Variants in MINDY4 observed in about 807,000 individuals in gnomAD.
MINDY4 encodes the protein MINDY lysine 48 deubiquitinase 4.
Under a neutral mutation model 87.0 loss-of-function variants are expected in MINDY4, and 68 were observed. The ratio of observed to expected loss-of-function variants is 0.78; its 90% CI spans 0.64 to 0.96. The LOEUF is 0.96. Among genes scored for constraint, MINDY4 ranks in the 40% least tolerant of loss-of-function variants. The pLI is 0.00. For synonymous variants in MINDY4, 379 were observed against 363.2 expected, an observed-to-expected ratio of 1.04 and a Z score of -0.50; for missense variants, 919 against 928.2, an observed-to-expected ratio of 0.99 and a Z score of 0.13.
chr7:30,875,455 T>G (rs373214422), intron 14 of MINDY4, 40 bp from the exon 15 acceptor site: 335 of 1,610,698 alleles, frequency 2.1e-4, no homozygotes, highest in Non-Finnish European at 2.7e-4. Flanking sequence ...CAGTAACTGA[T>G]TCAGACTTGA....
intron 7 of MINDY4, among the ~76,000 whole-genome samples, chr7:30,838,354 G>A (rs1241302044): frequency 6.6e-6 from 1 of 152,136 alleles, no homozygotes; most frequent in Non-Finnish European, 1.5e-5. Context: ...TTCACTGGGG[G>A]GTTGGGATGG....
intron 15 of MINDY4, 25 bp downstream of exon 15, chr7:30,875,681 C>T (rs745942487): frequency 6.3e-7 from 1 of 1,583,986 alleles, no homozygotes; most frequent in Admixed American, 1.7e-5. Context: ...ACGTTCACCA[C>T]AAGTAGGGGA....
At chr7:30,870,187 C>T (rs924194488) in intron 13 of MINDY4, among the ~76,000 whole-genome samples, 2 of 152,184 alleles carry the variant, frequency 1.3e-5, no homozygotes, top group African/African-American at 2.4e-5. Context: ...TGTCCCCCTG[C>T]TCCCAGCTGA....
intron 6 of MINDY4, among the ~76,000 whole-genome samples, chr7:30,830,998 C>T (rs1408575324): frequency 6.6e-6 from 1 of 152,116 alleles, no homozygotes; most frequent in Non-Finnish European, 1.5e-5. Flanking sequence ...CAGCAAGTCA[C>T]TGGGCAGAGA....
intron 15 of MINDY4, among the ~76,000 whole-genome samples, chr7:30,877,445 G>GC (rs996928019): frequency 6.6e-6 from 1 of 152,176 alleles, no homozygotes; most frequent in Non-Finnish European, 1.5e-5. Context: ...TCTTGGATCC[G>GC]CATAGACCCT....
chr7:30,821,283 C>T (rs1282348829), intron 5 of MINDY4, among the ~76,000 whole-genome samples: 1 of 152,124 alleles, frequency 6.6e-6, no homozygotes, highest in Non-Finnish European at 1.5e-5. Context: ...AGTCCTTGAT[C>T]GTTCATTCAG....
rs376902616 is a variant in MINDY4, at chr7:30,882,267, G to A, written c.2058G>A (p.Pro686=). ...SHFSILFSLQ[P]GLLRDWRTER... ...TCAGCATCCTCTTTAGCCTGCAGCCGGGGCTCCTGCGTGACTGGAGGACTG... is the reference window on the plus strand; with the variant it reads ...TCAGCATCCTCTTTAGCCTGCAGCCAGGGCTCCTGCGTGACTGGAGGACTG... The change falls in exon 16 of 18, where the codon CCG becomes CCA. Residue 686 remains proline (P), a synonymous_variant. Coordinates refer to ENST00000265299, the MANE Select transcript of MINDY4 (RefSeq NM_032222.3). The A allele has an allele frequency of 2.4e-5, 38 of 1,613,768 alleles. No homozygotes were observed. The highest frequency in any genetic ancestry group is 3.3e-5 in the South Asian group (3 of 91,060).
At chr7:30,856,265 T>C (rs1329567928) in intron 12 of MINDY4, among the ~76,000 whole-genome samples, 1 of 152,190 alleles carries the variant, frequency 6.6e-6, no homozygotes, top group East Asian at 1.9e-4. Context: ...AATGCAGGCG[T>C]GTTGCCCTGT....
At chr7:30,868,934 C>T (rs569774069) in intron 13 of MINDY4, among the ~76,000 whole-genome samples, 9 of 152,242 alleles carry the variant, frequency 5.9e-5, no homozygotes, top group African/African-American at 2.2e-4. Context: ...GCAGCCAGGG[C>T]AGCCAGGGCC....
At chr7:30,835,868 G>T (rs1277477709) in intron 6 of MINDY4, among the ~76,000 whole-genome samples, 1 of 152,222 alleles carries the variant, frequency 6.6e-6, no homozygotes, top group African/African-American at 2.4e-5. Context: ...ATGACAAGGG[G>T]GCCTTAGCTA....
In MINDY4 at chr7:30,862,546, A is replaced by G. The variant is rs146940780; in HGVS notation, c.1745+3222A>G. On this transcript the variant is annotated intron_variant, in intron 13 of 17. Transcript: ENST00000265299. ...GAAGGTTTGCGGTGATTCGCAGGGC[A>G]ATGATAACAGTTCTGGGGCTGGAAT... Among the ~76,000 whole-genome samples the G allele has an allele frequency of 3.0e-3, 453 of 152,320 alleles. 3 individuals carry two copies. Among genetic ancestry groups the G allele is most frequent in the African/African-American group, 0.011 (438 of 41,556 alleles).
At chr7:30,800,066 A>G (rs1006196046) in intron 5 of MINDY4, among the ~76,000 whole-genome samples, 2 of 152,172 alleles carry the variant, frequency 1.3e-5, no homozygotes, top group African/African-American at 4.8e-5. Context: ...ACGATTCTCC[A>G]GAAAAGGATG....
intron 3 of MINDY4, among the ~76,000 whole-genome samples, chr7:30,785,269 GACAC>G (rs3138796): frequency 0.018 from 2,551 of 138,558 alleles, 54 homozygotes; most frequent in Admixed American, 0.046. Flanking sequence ...CTCTCTCTCT[GACAC>G]ACACACACAC....
At position 30,850,191 on chromosome 7, in the gene MINDY4, C is replaced by T. The variant is rs187919735; in HGVS notation, c.1446-263C>T. On this transcript the variant is annotated intron_variant, in intron 9 of 17. Transcript: ENST00000265299. ...CAAGCCTGCAGAGCCCTCTTTGCTCCTGTGGGCCCTTTCCTCTGCCTCCTC... is the reference window on the plus strand; with the variant it reads ...CAAGCCTGCAGAGCCCTCTTTGCTCTTGTGGGCCCTTTCCTCTGCCTCCTC... Among the ~76,000 whole-genome samples, 722 of 152,342 alleles carry T rather than the reference C, an allele frequency of 4.7e-3. 5 individuals carry two copies. The highest frequency in any genetic ancestry group is 0.017 in the African/African-American group (694 of 41,582).
intron 5 of MINDY4, among the ~76,000 whole-genome samples, chr7:30,817,329 G>C (rs1788182610): frequency 6.8e-6 from 1 of 148,066 alleles, no homozygotes; most frequent in African/African-American, 2.5e-5. Context: ...AAAGTGAAAG[G>C]AAAAAAGCTT....
At chr7:30,793,094 A>G (rs1442453348) in intron 5 of MINDY4, among the ~76,000 whole-genome samples, 1 of 147,780 alleles carries the variant, frequency 6.8e-6, no homozygotes, top group African/African-American at 2.5e-5. Flanking sequence ...ATGTACTACT[A>G]ATTTCATACA....
intron 5 of MINDY4, among the ~76,000 whole-genome samples, chr7:30,803,888 A>G (rs185810282): frequency 4.6e-5 from 7 of 152,350 alleles, no homozygotes; most frequent in African/African-American, 1.4e-4. Flanking sequence ...CCTAAGGATC[A>G]TGGCATTTAT....
intron 9 of MINDY4, among the ~76,000 whole-genome samples, chr7:30,846,199 C>T (rs1382305055): frequency 6.6e-6 from 1 of 152,184 alleles, no homozygotes; most frequent in Non-Finnish European, 1.5e-5. Flanking sequence ...CCTTTCTACC[C>T]CCTATTGCAG....
chr7:30,872,316 C>G lies in MINDY4; in HGVS notation c.1809+10C>G, dbSNP rs371783786. 5.0e-6 allele frequency: 8 copies of G among 1,613,516 alleles called. No homozygotes were observed. The South Asian group carries it at 7.7e-5, about 16-fold the overall frequency. Reference sequence around the variant, plus strand: ...TGGCTACTGTACACAGGTCAGGGGGCGCTGTGGGGCCCAGGTGGTCCTTCC... The same window carrying G: ...TGGCTACTGTACACAGGTCAGGGGGGGCTGTGGGGCCCAGGTGGTCCTTCC... On this transcript the variant is annotated intron_variant, in intron 14 of 17. Coordinates refer to ENST00000265299, the MANE Select transcript of MINDY4 (RefSeq NM_032222.3).
Sources: allele counts gnomAD v4.1 joint callset (sites outside exome capture counted in the v4.1 genomes callset), GRCh38; gene constraint gnomAD v4.1.1; transcripts MANE v1.5; gene names NCBI Gene and HGNC (gene_info 2026-07-23, HGNC 2026-07-21).